The following DEFB134 variants were observed in gnomAD, a reference collection of about 807,000 sequenced individuals.
DEFB134 encodes the protein beta-defensin 134.
DEFB134 carries 7 observed loss-of-function variants against 7.4 expected under a neutral mutation model. That is an observed-to-expected ratio of 0.95 (90% confidence interval 0.54 to 1.79). The LOEUF is 1.79. DEFB134 is among the 40% of genes most tolerant of loss of function. The pLI is 0.00. For synonymous variants in DEFB134, 33 were observed against 25.0 expected (o/e 1.32, Z -0.96); for missense variants, 105 against 74.8 (o/e 1.40, Z -1.49).
chr8:11,995,996 A>G (rs1800109332), intron 1 of DEFB134, among the ~76,000 whole-genome samples, 198 bp downstream of exon 2: 1 of 150,542 alleles, frequency 6.6e-6, no homozygotes, highest in Non-Finnish European at 1.5e-5. Flanking sequence ...AGAAGCTTAG[A>G]CCTTTGTCCA....
exon 2 of DEFB134, chr8:11,993,856 A>G: frequency 2.3e-6 from 3 of 1,321,540 alleles, no homozygotes; most frequent in Non-Finnish European, 3.0e-6. Context: ...GGCCTATAAA[A>G]ATGCTAAAAA....
At chr8:11,994,201 C>T in intron 1 of DEFB134, 79 bp from the exon 3 acceptor site, 2 of 1,474,242 alleles carry the variant, frequency 1.4e-6, no homozygotes, top group South Asian at 1.3e-5. Flanking sequence ...CAATTTTTAT[C>T]CAACCGGATA....
chr8:11,995,248 A>G (rs1404630603), intron 1 of DEFB134, among the ~76,000 whole-genome samples: 1 of 152,210 alleles, frequency 6.6e-6, no homozygotes, highest in Non-Finnish European at 1.5e-5. Flanking sequence ...TCTGGAGGCC[A>G]CAAATCCATT....
upstream of DEFB134, among the ~76,000 whole-genome samples, chr8:11,997,627 G>A (rs1399682847): frequency 6.6e-6 from 1 of 152,114 alleles, no homozygotes; most frequent in Non-Finnish European, 1.5e-5. Flanking sequence ...ACAAAGAAAG[G>A]CATTACAAAA....
chr8:12,000,156 T>C (rs529841971), upstream of DEFB134, among the ~76,000 whole-genome samples: 7 of 152,364 alleles, frequency 4.6e-5, no homozygotes, highest in South Asian at 1.4e-3. Context: ...CAGTGGGAGA[T>C]GCAGAAGGAA....
intron 1 of DEFB134, among the ~76,000 whole-genome samples, chr8:11,995,323 T>G (rs1216239541): frequency 6.6e-6 from 1 of 152,336 alleles, no homozygotes; most frequent in Middle Eastern, 3.4e-3. Flanking sequence ...CATGAATTCT[T>G]AAATTTAGCC....
upstream of DEFB134, among the ~76,000 whole-genome samples, chr8:11,997,388 AG>A (rs150860858): frequency 6.6e-6 from 1 of 152,330 alleles, no homozygotes; most frequent in African/African-American, 2.4e-5. Flanking sequence ...TTCATGTACA[AG>A]TCATGGTATG....
At chr8:11,993,949 C>T (rs772690111) in exon 2 of DEFB134, 2 of 1,605,720 alleles carry the variant, frequency 1.2e-6, no homozygotes, top group South Asian at 2.2e-5. Context: ...CAAGGGCCTA[C>T]AGGATAGTGG....
At chr8:11,995,520 T>G (rs968885952) in intron 1 of DEFB134, among the ~76,000 whole-genome samples, 3 of 152,166 alleles carry the variant, frequency 2.0e-5, no homozygotes, top group African/African-American at 7.2e-5. Flanking sequence ...ACAGGGCCAC[T>G]CACACTCTCT....
At position 11,996,273 on chromosome 8, in the gene DEFB134, A is replaced by C. The variant is rs534305827; in HGVS notation, c.-22T>G. On this transcript the variant is annotated 5_prime_UTR_variant, in exon 1 of 2. Coordinates refer to ENST00000526438, the Ensembl canonical transcript of DEFB134. ...TCATGGCTGGGAACTTCTGTTAAGG[A>C]GGCTAGTGGCAGGGTCTGACATCGG... 2.9e-5 allele frequency: 47 copies of C among 1,613,376 alleles called. No homozygotes were observed. The African/African-American group carries it at 6.1e-4, about 21-fold the overall frequency.
At chr8:11,994,428 G>C (rs1486441641) in intron 1 of DEFB134, among the ~76,000 whole-genome samples, 1 of 152,208 alleles carries the variant, frequency 6.6e-6, no homozygotes, top group Non-Finnish European at 1.5e-5. Context: ...CAATAGGATT[G>C]ATGGTCTTAT....
exon 1 of DEFB134, chr8:11,996,258 G>T (rs925948399): frequency 3.7e-6 from 6 of 1,613,608 alleles, no homozygotes; most frequent in Non-Finnish European, 4.2e-6. Flanking sequence ...TCATGGCTGG[G>T]AACTTCTGTT....
At chr8:11,997,536 A>C (rs538550042), upstream of DEFB134, among the ~76,000 whole-genome samples, 10 of 152,376 alleles carry the variant, frequency 6.6e-5, no homozygotes, top group Non-Finnish European at 1.2e-4. Flanking sequence ...AGATCTAGCA[A>C]GCAAATGGAA....
chr8:11,993,914 C>T (rs1800044563), exon 2 of DEFB134: 1 of 1,568,312 alleles, frequency 6.4e-7, no homozygotes, highest in Admixed American at 1.9e-5. Context: ...TCTAAATTCC[C>T]TGGTTTTGTG....
upstream of DEFB134, among the ~76,000 whole-genome samples, chr8:11,996,734 T>C (rs1045559409): frequency 6.6e-6 from 1 of 152,218 alleles, no homozygotes; most frequent in African/African-American, 2.4e-5. Context: ...TGTTGTTTAA[T>C]ATTTTGTTTT....
At chr8:12,000,168 C>A (rs1160781908), upstream of DEFB134, among the ~76,000 whole-genome samples, 1 of 152,222 alleles carries the variant, frequency 6.6e-6, no homozygotes, top group African/African-American at 2.4e-5. Flanking sequence ...CAGAAGGAAG[C>A]AGCTTCTGTA....
exon 2 of DEFB134, chr8:11,993,866 A>G: frequency 1.4e-6 from 2 of 1,384,106 alleles, no homozygotes; most frequent in Non-Finnish European, 1.9e-6. Flanking sequence ...AATGCTAAAA[A>G]CCAGTAGTCA....
chr8:11,997,086 C>T (rs1485698731), upstream of DEFB134, among the ~76,000 whole-genome samples: 1 of 152,120 alleles, frequency 6.6e-6, no homozygotes, highest in East Asian at 1.9e-4. Flanking sequence ...TTCTCTTTCA[C>T]CTCTCAGTCT....
At chr8:11,994,667 A>G (rs1800069806) in intron 1 of DEFB134, among the ~76,000 whole-genome samples, 1 of 152,236 alleles carries the variant, frequency 6.6e-6, no homozygotes, top group South Asian at 2.1e-4. Context: ...TATAACCCAA[A>G]CAATCAAGCT....
Sources: allele counts gnomAD v4.1 joint callset (sites outside exome capture counted in the v4.1 genomes callset), GRCh38; gene constraint gnomAD v4.1.1; transcripts MANE v1.5; gene names NCBI Gene and HGNC (gene_info 2026-07-23, HGNC 2026-07-21).